Variants in LRMDA observed in about 807,000 individuals in gnomAD.
LRMDA encodes leucine-rich melanocyte differentiation-associated protein.
Under a neutral mutation model 29.8 loss-of-function variants are expected in LRMDA, and 18 were observed. That is an observed-to-expected ratio of 0.60 (90% CI 0.42 to 0.90). The LOEUF (loss-of-function observed/expected upper bound fraction) is 0.90, where lower values mean the gene tolerates loss of function less well. LRMDA is among the 40% of genes least tolerant of loss of function. LRMDA has a pLI of 0.00. For synonymous variants in LRMDA, 125 were observed against 109.4 expected (o/e 1.14, Z -0.89); for missense variants, 273 against 273.9 (o/e 1.00, Z 0.02).
At chr10:76,097,216 G>A (rs1849326258) in intron 5 of LRMDA, among the ~76,000 whole-genome samples, 1 of 152,034 alleles carries the variant, frequency 6.6e-6, no homozygotes, top group Non-Finnish European at 1.5e-5. Flanking sequence ...TCACCATGTT[G>A]GCCAGGCTGG....
At chr10:76,449,660 G>A (rs565286621) in intron 6 of LRMDA, among the ~76,000 whole-genome samples, 1 of 151,866 alleles carries the variant, frequency 6.6e-6, no homozygotes, top group Non-Finnish European at 1.5e-5. Context: ...TCTGGGTTTT[G>A]TCTGTTTTCA....
intron 2 of LRMDA, chr10:75,782,625 G>T (rs1352981125): frequency 5.9e-6 from 4 of 681,634 alleles, no homozygotes; most frequent in Non-Finnish European, 7.5e-6. Flanking sequence ...CCCTTGGGTT[G>T]GGAATGGCAT....
chr10:76,305,517 G>A (rs1189276276), intron 5 of LRMDA, among the ~76,000 whole-genome samples: 1 of 152,138 alleles, frequency 6.6e-6, no homozygotes, highest in African/African-American at 2.4e-5. Context: ...TGCATACTTT[G>A]TCAGTGACTG....
At chr10:75,830,290 T>C (rs1844317620) in intron 2 of LRMDA, among the ~76,000 whole-genome samples, 2 of 152,188 alleles carry the variant, frequency 1.3e-5, no homozygotes, top group South Asian at 4.1e-4. Context: ...TGCTGATCTT[T>C]GTGTATGCCA....
chr10:76,281,833 G>A (rs1840210424), intron 5 of LRMDA, among the ~76,000 whole-genome samples: 1 of 152,082 alleles, frequency 6.6e-6, no homozygotes, highest in South Asian at 2.1e-4. Context: ...AGGAAGGTGG[G>A]GGGCAGTGAT....
chr10:75,707,099 G>A (rs1842379225), intron 2 of LRMDA, among the ~76,000 whole-genome samples: 1 of 152,192 alleles, frequency 6.6e-6, no homozygotes, highest in South Asian at 2.1e-4. Flanking sequence ...TGGCTGAAAG[G>A]CAGTAGGTAG....
intron 6 of LRMDA, among the ~76,000 whole-genome samples, chr10:76,369,321 TTC>T (rs1277621206): frequency 6.6e-6 from 1 of 152,164 alleles, no homozygotes; most frequent in Non-Finnish European, 1.5e-5. Flanking sequence ...TAATGGTGAG[TTC>T]TCTCAGCATT....
intron 2 of LRMDA, among the ~76,000 whole-genome samples, chr10:75,611,937 C>G (rs931558554): frequency 1.3e-5 from 2 of 152,198 alleles, no homozygotes; most frequent in South Asian, 2.1e-4. Flanking sequence ...CCTGTTGATA[C>G]TTTTTTGGTC....
chr10:76,111,033 G>GT (rs537716195), intron 5 of LRMDA, among the ~76,000 whole-genome samples: 19 of 150,650 alleles, frequency 1.3e-4, no homozygotes, highest in East Asian at 7.8e-4. Flanking sequence ...TGTTCATTTT[G>GT]TTTTTTTTTC....
chr10:76,113,669 G>C (rs1189841226), intron 5 of LRMDA, among the ~76,000 whole-genome samples: 1 of 152,198 alleles, frequency 6.6e-6, no homozygotes, highest in Non-Finnish European at 1.5e-5. Context: ...CCAGGTAAAA[G>C]CCACACAAGG....
At chr10:75,764,833 G>A (rs1395232617) in intron 2 of LRMDA, among the ~76,000 whole-genome samples, 2 of 152,100 alleles carry the variant, frequency 1.3e-5, no homozygotes, top group Non-Finnish European at 2.9e-5. Flanking sequence ...AAAGCAATCT[G>A]GTTGTCATTG....
chr10:75,590,726 C>CTTTTTTTTTTTTTTTTTTTTTT (rs67966004), intron 2 of LRMDA, among the ~76,000 whole-genome samples: 1 of 71,344 alleles, frequency 1.4e-5, no homozygotes, highest in Non-Finnish European at 2.5e-5. Flanking sequence ...ATAAAATAGT[C>CTTTTTTTTTTTTTTTTTTTTTT]TTTTTTTTTT....
At chr10:76,031,874 T>C (rs1848155933) in intron 2 of LRMDA, among the ~76,000 whole-genome samples, 3 of 152,172 alleles carry the variant, frequency 2.0e-5, no homozygotes, top group African/African-American at 7.2e-5. Context: ...CAGATGCTTT[T>C]GTTTTAGGGT....
chr10:75,771,987 C>A (rs1843247173), intron 2 of LRMDA, among the ~76,000 whole-genome samples: 1 of 151,886 alleles, frequency 6.6e-6, no homozygotes, highest in African/African-American at 2.4e-5. Context: ...ACATGGAAAG[C>A]AGTATGTAAT....
chr10:75,844,474 T>C (rs551106816), intron 2 of LRMDA, among the ~76,000 whole-genome samples: 17 of 152,208 alleles, frequency 1.1e-4, no homozygotes, highest in Non-Finnish European at 2.1e-4. Context: ...TAAATCTTAA[T>C]AGAGGTTCTG....
chr10:75,704,201 G>A (rs1252190243), intron 2 of LRMDA, among the ~76,000 whole-genome samples: 1 of 152,096 alleles, frequency 6.6e-6, no homozygotes, highest in African/African-American at 2.4e-5. Context: ...ATGCATTATT[G>A]TCTCACATCA....
At chr10:76,133,928 G>T (rs67339103) in intron 5 of LRMDA, among the ~76,000 whole-genome samples, 2 of 152,014 alleles carry the variant, frequency 1.3e-5, no homozygotes, top group East Asian at 1.9e-4. Context: ...GGGTGGTGAG[G>T]CCCCTGCTGT....
At chr10:75,564,850 A>G (rs772704454) in intron 2 of LRMDA, among the ~76,000 whole-genome samples, 1 of 152,192 alleles carries the variant, frequency 6.6e-6, no homozygotes, top group East Asian at 1.9e-4. Context: ...TTCAAAGGTG[A>G]TCTTTTTGCT....
intron 2 of LRMDA, among the ~76,000 whole-genome samples, chr10:75,937,714 C>T (rs1846321973): frequency 6.6e-6 from 1 of 152,174 alleles, no homozygotes; most frequent in Admixed American, 6.5e-5. Context: ...TTCACTTCCA[C>T]CTGGGGCTGC....
Sources: gnomAD v4.1 joint callset for allele counts (sites outside exome capture counted in the v4.1 genomes callset) on GRCh38, gnomAD v4.1.1 for gene constraint, MANE v1.5 for transcripts, NCBI Gene and HGNC (gene_info 2026-07-23, HGNC 2026-07-21) for gene names.